The following SORCS1 variants were observed in gnomAD, a reference collection of about 807,000 sequenced individuals.
SORCS1 encodes the protein sortilin related VPS10 domain containing receptor 1, also known as VPS10 domain-containing receptor SorCS1.
Under a neutral mutation model 146.1 loss-of-function variants are expected in SORCS1, and 60 were observed. The ratio of observed to expected loss-of-function variants is 0.41; its 90% CI spans 0.33 to 0.51. The LOEUF (loss-of-function observed/expected upper bound fraction) is 0.51, where lower values mean the gene tolerates loss of function less well. Among genes scored for constraint, SORCS1 ranks in the 20% least tolerant of loss-of-function variants. SORCS1 has a pLI of 0.21. For synonymous variants in SORCS1, 637 were observed against 584.0 expected (o/e 1.09, Z -1.31); for missense variants, 1,352 against 1,487.6 (o/e 0.91, Z 1.50).
intron 25 of SORCS1, 142 bp from the exon 26 acceptor site, chr10:106,577,697 C>A: frequency 6.9e-7 from 1 of 1,441,040 alleles, no homozygotes; most frequent in Non-Finnish European, 9.1e-7. Context: ...GTGCTTCATA[C>A]CCTACGGAAA....
At chr10:106,870,473 C>G (rs960929862) in intron 2 of SORCS1, among the ~76,000 whole-genome samples, 28 of 152,078 alleles carry the variant, frequency 1.8e-4, no homozygotes, top group African/African-American at 6.0e-4. Context: ...GAGTGTGGTA[C>G]TGGTACAAAA....
chr10:107,109,438 T>G (rs542888553), intron 1 of SORCS1, among the ~76,000 whole-genome samples: 1 of 152,192 alleles, frequency 6.6e-6, no homozygotes, highest in Admixed American at 6.5e-5. Context: ...CTTGCACCCT[T>G]TGAAGCAGTA....
At chr10:106,591,308 A>C (rs746686103) in intron 24 of SORCS1, among the ~76,000 whole-genome samples, 3 of 152,162 alleles carry the variant, frequency 2.0e-5, no homozygotes, top group Non-Finnish European at 2.9e-5. Context: ...CCCATTCCCC[A>C]CAATGTGTAT....
intron 12 of SORCS1, among the ~76,000 whole-genome samples, chr10:106,678,987 CTT>C: frequency 6.6e-6 from 1 of 152,194 alleles, no homozygotes; most frequent in Admixed American, 6.5e-5. Flanking sequence ...TTTAGTCAGA[CTT>C]AATTTGGTTT....
At chr10:107,163,671 T>C (rs920848887) in intron 1 of SORCS1, among the ~76,000 whole-genome samples, 2 of 152,128 alleles carry the variant, frequency 1.3e-5, no homozygotes, top group African/African-American at 4.8e-5. Flanking sequence ...AACCCCTCTG[T>C]TTACCTGGTC....
At chr10:107,139,178 ATTCT>A (rs1761345906) in intron 1 of SORCS1, among the ~76,000 whole-genome samples, 1 of 152,240 alleles carries the variant, frequency 6.6e-6, no homozygotes, top group South Asian at 2.1e-4. Flanking sequence ...TCTTCTGGAT[ATTCT>A]TTCTTTAAAA....
intron 1 of SORCS1, among the ~76,000 whole-genome samples, chr10:107,150,930 C>T (rs998625093): frequency 5.3e-5 from 8 of 152,190 alleles, no homozygotes; most frequent in Non-Finnish European, 1.2e-4. Flanking sequence ...TTATAAATTG[C>T]CCAGTCCCGG....
chr10:107,038,080 C>T (rs1357476698), intron 1 of SORCS1, among the ~76,000 whole-genome samples: 1 of 152,196 alleles, frequency 6.6e-6, no homozygotes, highest in African/African-American at 2.4e-5. Context: ...GCCTCAGCCT[C>T]CCAGTGTGCT....
chr10:106,925,277 C>G (rs1419482914), intron 2 of SORCS1, among the ~76,000 whole-genome samples: 1 of 152,006 alleles, frequency 6.6e-6, no homozygotes, highest in Admixed American at 6.6e-5. Context: ...AGATTTTCCT[C>G]CAGGGCCCTT....
rs571378008 is a variant in SORCS1 at position 106,650,421 on chromosome 10, G to A, written c.2475+1961C>T. On this transcript the variant is annotated intron_variant, in intron 18 of 25. Coordinates refer to ENST00000263054, the MANE Select transcript of SORCS1 (RefSeq NM_052918.5). ...CTTGAATTCAAATCTTTATCTCCCCGAAGGGTGATACTTCTAAAACCTTTA... is the reference window on the plus strand; with the variant it reads ...CTTGAATTCAAATCTTTATCTCCCCAAAGGGTGATACTTCTAAAACCTTTA... Among the ~76,000 whole-genome samples the A allele has an allele frequency of 1.0e-3, 152 of 152,270 alleles. No homozygotes were observed. The Middle Eastern group carries it at 0.017, about 17-fold the overall frequency.
chr10:107,154,005 T>G lies in SORCS1; in HGVS notation c.558+9964A>C, dbSNP rs1308000012. ...ACTATTTCCAGTATATTTCTTTTCT[T>G]TTCTTTTTTTTTTTTTTTTTTTTTG... On this transcript the variant is annotated intron_variant, in intron 1 of 25. Transcript: ENST00000263054. 2.8e-5 allele frequency among the ~76,000 whole-genome samples: 4 copies of G among 140,354 alleles called. No homozygotes were observed. In the Admixed American group the frequency reaches 3.0e-4, roughly 10 times the overall value. 92.1% of individuals were successfully genotyped at this position (140,354 alleles called of 152,430 possible). A position where few individuals can be genotyped will look rare whatever the true frequency, so the allele number is the denominator to read the frequency against.
intron 1 of SORCS1, among the ~76,000 whole-genome samples, chr10:107,144,373 A>G (rs1331496175): frequency 6.6e-6 from 1 of 152,252 alleles, no homozygotes; most frequent in East Asian, 1.9e-4. Flanking sequence ...TAAAACAAAG[A>G]TGAAGAATTA....
At chr10:107,173,913 T>C in the SORCS1 span, among the ~76,000 whole-genome samples, 74,092 of 152,026 alleles carry the variant, frequency 0.49, 19,869 homozygotes, top group Middle Eastern at 0.68. Flanking sequence ...TCAAATTTTG[T>C]GCTAACAAAG....
intron 9 of SORCS1, among the ~76,000 whole-genome samples, chr10:106,691,996 C>T (rs769615005): frequency 2.6e-5 from 4 of 152,162 alleles, no homozygotes; most frequent in Non-Finnish European, 5.9e-5. Flanking sequence ...CCAACCTGCT[C>T]TTTAAAATTA....
intron 5 of SORCS1, among the ~76,000 whole-genome samples, chr10:106,744,858 C>A (rs546226785): frequency 3.3e-5 from 5 of 152,022 alleles, no homozygotes; most frequent in Admixed American, 6.6e-5. Flanking sequence ...TGTGAGTTGC[C>A]CAACTGAACA....
intron 6 of SORCS1, among the ~76,000 whole-genome samples, chr10:106,714,268 T>C (rs987441949): frequency 5.3e-4 from 80 of 151,476 alleles, no homozygotes; most frequent in African/African-American, 1.9e-3. Context: ...GTGTTATTTA[T>C]AATAAAAAAT....
chr10:106,844,603 T>G (rs1253466992), intron 2 of SORCS1, among the ~76,000 whole-genome samples: 1 of 151,750 alleles, frequency 6.6e-6, no homozygotes, highest in Non-Finnish European at 1.5e-5. Flanking sequence ...AATTATACTT[T>G]AAGTTTTAGG....
chr10:107,162,098 C>T (rs1176126631), intron 1 of SORCS1, among the ~76,000 whole-genome samples: 2 of 152,172 alleles, frequency 1.3e-5, no homozygotes, highest in African/African-American at 4.8e-5. Context: ...TTAATGCTGG[C>T]AGTGCTTGGC....
chr10:106,620,594 G>A, intron 19 of SORCS1, 33 bp from the exon 20 acceptor site: 1 of 1,607,666 alleles, frequency 6.2e-7, no homozygotes, highest in South Asian at 1.1e-5. Context: ...GCCATGGATG[G>A]GGAAGAGCTT....
Sources: allele counts gnomAD v4.1 joint callset (sites outside exome capture counted in the v4.1 genomes callset), GRCh38; gene constraint gnomAD v4.1.1; transcripts MANE v1.5; gene names NCBI Gene and HGNC (gene_info 2026-07-23, HGNC 2026-07-21).